The following MAF variants were observed in gnomAD, a reference collection of about 807,000 sequenced individuals.
MAF encodes the protein transcription factor Maf.
A neutral mutation model predicts 22.0 loss-of-function variants in MAF; 10 were observed. The observed-to-expected ratio is 0.45, with a 90% CI of 0.28 to 0.77. The LOEUF (loss-of-function observed/expected upper bound fraction) is 0.77, where lower values mean the gene tolerates loss of function less well. MAF is among the 30% of genes least tolerant of loss of function. The probability of loss-of-function intolerance (pLI) is 0.12; values close to 1 mark genes in which losing one functional copy is unlikely to be tolerated. For synonymous variants in MAF, 337 were observed against 255.8 expected (o/e 1.32, Z -3.03); for missense variants, 544 against 548.4 (o/e 0.99, Z 0.08).
At chr16:79,412,463 C>G in the MAF span, among the ~76,000 whole-genome samples, 1 of 152,192 alleles carries the variant, frequency 6.6e-6, no homozygotes, top group Non-Finnish European at 1.5e-5. Context: ...TTGAATGTTC[C>G]ATGAAGTATC....
chr16:79,227,632 G>A, the MAF span, among the ~76,000 whole-genome samples: 31 of 146,724 alleles, frequency 2.1e-4, no homozygotes, highest in African/African-American at 5.8e-4. Context: ...CCCATTCTAC[G>A]TTTTGTTTTA....
the MAF span, among the ~76,000 whole-genome samples, chr16:79,550,842 C>T: frequency 2.0e-5 from 3 of 152,110 alleles, no homozygotes; most frequent in South Asian, 6.2e-4. Flanking sequence ...GGAAGAGGAA[C>T]CCAGAGGACC....
the MAF span, among the ~76,000 whole-genome samples, chr16:79,362,318 T>C: frequency 1.3e-5 from 2 of 152,208 alleles, no homozygotes; most frequent in Non-Finnish European, 2.9e-5. Flanking sequence ...TTTTTCAGGC[T>C]TTTTAGTAAC....
the MAF span, among the ~76,000 whole-genome samples, chr16:79,386,473 C>A: frequency 6.6e-6 from 1 of 152,084 alleles, no homozygotes; most frequent in African/African-American, 2.4e-5. Flanking sequence ...CAGGAGGTCA[C>A]GTGAGTGATG....
chr16:79,284,216 C>G, the MAF span, among the ~76,000 whole-genome samples: 1 of 152,186 alleles, frequency 6.6e-6, no homozygotes, highest in Non-Finnish European at 1.5e-5. Flanking sequence ...CTCCATCCGC[C>G]TTCTACCCCA....
the MAF span, among the ~76,000 whole-genome samples, chr16:79,281,431 A>G: frequency 6.6e-6 from 1 of 152,212 alleles, no homozygotes; most frequent in Non-Finnish European, 1.5e-5. Flanking sequence ...CCAAATATTT[A>G]AGGTGAGCCT....
the MAF span, among the ~76,000 whole-genome samples, chr16:79,391,283 G>A: frequency 6.6e-6 from 1 of 152,174 alleles, no homozygotes; most frequent in Non-Finnish European, 1.5e-5. Flanking sequence ...GCATTAAGAA[G>A]CTATGGAGAT....
chr16:79,599,337 G>T lies in MAF; in HGVS notation c.566C>A (p.Ala189Asp). The change falls in exon 1 of 2, where the codon GCC (alanine) becomes GAC (aspartate). Residue 189 changes from alanine (A) to aspartate (D), a missense_variant. By Grantham distance (126) the Ala-to-Asp change is moderately radical (BLOSUM62 -2). Around this residue, in one of 5 missense-constraint regions of MAF, gnomAD observed 342 missense variants for 315.5 expected, o/e 1.08. Transcript: ENST00000326043. ...GGCCGTCGGGTGGTGGTGGTGGCCG[G>T]CGGCGTGGTGGTGGTGGTGGTGGTA... Reference protein sequence around the residue: ...PHYHHHHHHAAGHHHHPTAGA... With the variant: ...PHYHHHHHHADGHHHHPTAGA... The T allele has an allele frequency of 1.0e-6, 1 of 989,406 alleles. No homozygotes were observed. Among genetic ancestry groups the T allele is most frequent in the Non-Finnish European group, 1.2e-6 (1 of 834,308 alleles). 61.3% of individuals were successfully genotyped at this position (989,406 alleles called of 1,614,324 possible). A position where few individuals can be genotyped will look rare whatever the true frequency, so the allele number is the denominator to read the frequency against.
At chr16:79,527,616 T>C in the MAF span, among the ~76,000 whole-genome samples, 2 of 152,136 alleles carry the variant, frequency 1.3e-5, no homozygotes, top group Non-Finnish European at 2.9e-5. Context: ...CTTACAATCA[T>C]TAAGGTGATG....
chr16:79,224,168 G>A, the MAF span, among the ~76,000 whole-genome samples: 1 of 152,066 alleles, frequency 6.6e-6, no homozygotes, highest in East Asian at 1.9e-4. Context: ...CACCACGATC[G>A]AGTCAGTTTT....
chr16:79,249,441 G>A, the MAF span, among the ~76,000 whole-genome samples: 1 of 150,266 alleles, frequency 6.7e-6, no homozygotes, highest in Non-Finnish European at 1.5e-5. Context: ...AAAAAAAGGA[G>A]GTTGAAGGAT....
the MAF span, among the ~76,000 whole-genome samples, chr16:79,372,362 A>G: frequency 6.6e-6 from 1 of 152,200 alleles, no homozygotes; most frequent in Non-Finnish European, 1.5e-5. Context: ...TCCAAACAAG[A>G]GAAATATACC....
chr16:79,303,720 G>A, the MAF span, among the ~76,000 whole-genome samples: 5 of 152,156 alleles, frequency 3.3e-5, no homozygotes, highest in East Asian at 9.6e-4. Flanking sequence ...GTAAGAAAGA[G>A]TGCTATAATT....
the MAF span, among the ~76,000 whole-genome samples, chr16:79,404,680 G>A: frequency 6.6e-6 from 1 of 151,238 alleles, no homozygotes; most frequent in African/African-American, 2.4e-5. Flanking sequence ...TCTTAACTGT[G>A]AGTGAGACTG....
the MAF span, among the ~76,000 whole-genome samples, chr16:79,483,444 AAGCCATTGTCCATGCTGGC>A: frequency 6.6e-6 from 1 of 150,922 alleles, no homozygotes; most frequent in Non-Finnish European, 1.5e-5. Flanking sequence ...GGAAGACCCA[AAGCCATTGTCCATGCTGGC>A]ATGGAGTGGA....
chr16:79,214,825 C>A, the MAF span, among the ~76,000 whole-genome samples: 39 of 150,304 alleles, frequency 2.6e-4, no homozygotes, highest in East Asian at 7.3e-3. Flanking sequence ...ATTCTCCTGC[C>A]CCATCCTTCA....
At chr16:79,471,367 T>A in the MAF span, among the ~76,000 whole-genome samples, 4 of 152,176 alleles carry the variant, frequency 2.6e-5, no homozygotes, top group African/African-American at 7.2e-5. Flanking sequence ...TGTAAAAAAC[T>A]AAGGTTTAGG....
the MAF span, among the ~76,000 whole-genome samples, chr16:79,412,939 T>C: frequency 6.6e-6 from 1 of 152,214 alleles, no homozygotes; most frequent in East Asian, 1.9e-4. Context: ...AAATAGGGGA[T>C]TATCAGGGTC....
chr16:79,597,473 G>A (rs1365121410), intron 1 of MAF: 15 of 1,025,364 alleles, frequency 1.5e-5, no homozygotes, highest in Non-Finnish European at 1.8e-5. Flanking sequence ...AAAGTGGGGC[G>A]TCATTCTTAT....
Sources: gnomAD v4.1 joint callset for allele counts (sites outside exome capture counted in the v4.1 genomes callset) on GRCh38, gnomAD v4.1.1 for gene constraint, gnomAD v4.1.1 regional missense constraint, MANE v1.5 for transcripts, NCBI Gene and HGNC (gene_info 2026-07-23, HGNC 2026-07-21) for gene names.